Variants in DPP10 observed in about 807,000 individuals in gnomAD.
DPP10 encodes the protein inactive dipeptidyl peptidase 10.
A neutral mutation model predicts 120.9 loss-of-function variants in DPP10; 33 were observed. The observed-to-expected ratio is 0.27, with a 90% CI of 0.21 to 0.37. The LOEUF (loss-of-function observed/expected upper bound fraction) is 0.37. Among genes scored for constraint, DPP10 ranks in the 10% least tolerant of loss-of-function variants. The pLI, the probability that DPP10 is intolerant of heterozygous loss-of-function variation, is 1.00. For missense variants in DPP10, 816 were observed against 942.8 expected (o/e 0.87, Z 1.76); for synonymous variants, 337 against 326.1 (o/e 1.03, Z -0.36).
At chr2:115,063,487 G>A (rs1442022023) in intron 1 of DPP10, among the ~76,000 whole-genome samples, 3 of 152,120 alleles carry the variant, frequency 2.0e-5, no homozygotes, top group Non-Finnish European at 4.4e-5. Flanking sequence ...GAACAAAGCT[G>A]GGGGCATCAT....
rs1685163489 is a variant in DPP10 at position 114,522,585 on chromosome 2, TATATA to T, written c.60+79750_60+79754del. On this transcript the variant is annotated intron_variant, in intron 1 of 25. Coordinates refer to ENST00000410059, the MANE Select transcript of DPP10 (RefSeq NM_020868.6). ...TCTTTATATTTTATTTTTCAATAAT[TATATA>T]ATCAGCAACTGGGGGAAGCAGTTAA... is the stretch of plus-strand genomic sequence containing the variant. 3.3e-5 allele frequency among the ~76,000 whole-genome samples: 5 copies of T among 152,296 alleles called. No individual in the cohort carries two copies. The South Asian group carries it at 8.3e-4, about 25-fold the overall frequency.
At chr2:115,604,497 T>A (rs903210704) in intron 5 of DPP10, among the ~76,000 whole-genome samples, 4 of 152,138 alleles carry the variant, frequency 2.6e-5, no homozygotes, top group Non-Finnish European at 2.9e-5. Context: ...AACAGCAGTC[T>A]CTGAGCCTGA....
chr2:114,925,948 A>G (rs1695588345), intron 1 of DPP10, among the ~76,000 whole-genome samples: 1 of 152,206 alleles, frequency 6.6e-6, no homozygotes, highest in African/African-American at 2.4e-5. Flanking sequence ...TAAGCACGGT[A>G]TTCATGTCCC....
At chr2:114,667,787 G>A (rs1318804917) in intron 1 of DPP10, among the ~76,000 whole-genome samples, 1 of 152,152 alleles carries the variant, frequency 6.6e-6, no homozygotes, top group Non-Finnish European at 1.5e-5. Flanking sequence ...TAATAAGAAT[G>A]CAATCTAAGT....
At chr2:114,455,883 A>T (rs892733167) in intron 1 of DPP10, among the ~76,000 whole-genome samples, 2 of 152,062 alleles carry the variant, frequency 1.3e-5, no homozygotes, top group Admixed American at 1.3e-4. Context: ...TAAGGGCTTA[A>T]TTTTTTGAAT....
chr2:114,643,941 T>A (rs1278627884), intron 1 of DPP10, among the ~76,000 whole-genome samples: 81 of 144,488 alleles, frequency 5.6e-4, no homozygotes, highest in African/African-American at 1.9e-3. Flanking sequence ...ATATATTTTT[T>A]TTTTTTTTTT....
chr2:115,435,211 T>A (rs1051034986), intron 3 of DPP10, among the ~76,000 whole-genome samples: 9 of 151,852 alleles, frequency 5.9e-5, no homozygotes, highest in Non-Finnish European at 1.2e-4. Context: ...GCAGCGAGAT[T>A]GAATAATATG....
At chr2:115,392,348 A>G (rs1283852973) in intron 3 of DPP10, among the ~76,000 whole-genome samples, 1 of 152,150 alleles carries the variant, frequency 6.6e-6, no homozygotes, top group Non-Finnish European at 1.5e-5. Flanking sequence ...TTTTAAGTAG[A>G]TATGTTCACT....
At chr2:114,768,203 G>A (rs1360421468) in intron 1 of DPP10, among the ~76,000 whole-genome samples, 2 of 149,564 alleles carry the variant, frequency 1.3e-5, no homozygotes, top group African/African-American at 4.9e-5. Flanking sequence ...AAATGAGATT[G>A]ATATAAAGAC....
chr2:114,932,196 C>T lies in DPP10; in HGVS notation c.61-377043C>T, dbSNP rs200152510. On this transcript the variant is annotated intron_variant, in intron 1 of 25. Transcript: ENST00000410059. ...TATAGAGCCAGGCAATTTGTTTTAT[C>T]AAGCCCTCCAGGTGACTCTGATAGA... Among the ~76,000 whole-genome samples, 6 of 152,318 alleles carry T rather than the reference C, an allele frequency of 3.9e-5. No individual in the cohort carries two copies. The East Asian group carries it at 1.2e-3, about 29-fold the overall frequency.
intron 1 of DPP10, among the ~76,000 whole-genome samples, chr2:115,170,687 G>A (rs2053252401): frequency 6.6e-6 from 1 of 152,048 alleles, no homozygotes; most frequent in African/African-American, 2.4e-5. Context: ...CTTCATCAGG[G>A]TTATTTCTTT....
At chr2:115,067,253 GTTTT>G (rs1706932520) in intron 1 of DPP10, among the ~76,000 whole-genome samples, 1 of 151,508 alleles carries the variant, frequency 6.6e-6, no homozygotes, top group African/African-American at 2.4e-5. Flanking sequence ...TTGTTTGTTT[GTTTT>G]TGTTTTTGTT....
chr2:115,189,782 A>G (rs774285986), intron 1 of DPP10, among the ~76,000 whole-genome samples: 1 of 152,164 alleles, frequency 6.6e-6, no homozygotes, highest in African/African-American at 2.4e-5. Context: ...GATGCATGCT[A>G]TGACACAACA....
chr2:114,880,703 T>C (rs1691530468), intron 1 of DPP10, among the ~76,000 whole-genome samples: 1 of 152,088 alleles, frequency 6.6e-6, no homozygotes, highest in African/African-American at 2.4e-5. Flanking sequence ...GGTGAGGAAA[T>C]ATACAAAATG....
intron 1 of DPP10, among the ~76,000 whole-genome samples, chr2:114,490,557 G>A (rs886271692): frequency 6.6e-6 from 1 of 152,184 alleles, no homozygotes; most frequent in African/African-American, 2.4e-5. Context: ...AGAGGCCACC[G>A]GTGTAGACTG....
chr2:115,299,010 G>A (rs1212255603), intron 1 of DPP10, among the ~76,000 whole-genome samples: 20 of 152,008 alleles, frequency 1.3e-4, no homozygotes, highest in Admixed American at 1.2e-3. Flanking sequence ...TTAAGAAGCA[G>A]TAGGCACTCT....
intron 1 of DPP10, among the ~76,000 whole-genome samples, chr2:114,982,845 G>A (rs145009770): frequency 0.012 from 1,768 of 151,856 alleles, 44 homozygotes; most frequent in African/African-American, 0.038. Context: ...GGGCTCAAGC[G>A]ATCTGCCCAC....
intron 12 of DPP10, among the ~76,000 whole-genome samples, chr2:115,763,525 C>T (rs975345481): frequency 1.3e-5 from 2 of 152,062 alleles, no homozygotes; most frequent in African/African-American, 4.8e-5. Flanking sequence ...ATCCTTGAAT[C>T]TTTTCTCATT....
At chr2:114,551,031 T>C (rs1687840815) in intron 1 of DPP10, among the ~76,000 whole-genome samples, 1 of 152,228 alleles carries the variant, frequency 6.6e-6, no homozygotes, top group Non-Finnish European at 1.5e-5. Context: ...TGGCACATAA[T>C]AGATACACCA....
Sources: allele counts gnomAD v4.1 joint callset (sites outside exome capture counted in the v4.1 genomes callset), GRCh38; gene constraint gnomAD v4.1.1; transcripts MANE v1.5; gene names NCBI Gene and HGNC (gene_info 2026-07-23, HGNC 2026-07-21).